Variants in UBE4B observed in about 807,000 individuals in gnomAD.
UBE4B encodes ubiquitination factor E4B.
In UBE4B, 27 loss-of-function variants were observed where a neutral mutation model predicts 148.1. The ratio of observed to expected loss-of-function variants is 0.18; its 90% CI spans 0.13 to 0.25. The LOEUF (loss-of-function observed/expected upper bound fraction) is 0.25. UBE4B is among the 10% of genes least tolerant of loss of function. The probability of loss-of-function intolerance (pLI) is 1.00; values close to 1 mark genes in which losing one functional copy is unlikely to be tolerated. For missense variants in UBE4B, 1,170 were observed against 1,662.4 expected, an observed-to-expected ratio of 0.70 and a Z score of 5.15; for synonymous variants, 596 against 619.3, an observed-to-expected ratio of 0.96 and a Z score of 0.56.
intron 4 of UBE4B, among the ~76,000 whole-genome samples, chr1:10,101,443 GGTT>G (rs1645008853): frequency 6.8e-6 from 1 of 147,788 alleles, no homozygotes; most frequent in Admixed American, 6.7e-5. Flanking sequence ...AGTAAATTTA[GGTT>G]GTAATAGGAA....
At chr1:10,035,794 G>A (rs1643500915) in intron 1 of UBE4B, among the ~76,000 whole-genome samples, 2 of 149,860 alleles carry the variant, frequency 1.3e-5, no homozygotes, top group South Asian at 2.1e-4. Flanking sequence ...CCAGGCTAGA[G>A]TGCAGTGGCG....
Position 10,178,838 on chromosome 1 carries a change from T to G in UBE4B, c.3700+20T>G, listed in dbSNP as rs1032827911. On this transcript the variant is annotated intron_variant, in intron 26 of 27. Transcript: ENST00000343090. ...TCAGAGGCAAGTGGACTCGTCGTTT[T>G]CATGCTGATTTCTTTTGAGTTAACT... The G allele has an allele frequency of 5.1e-6, 8 of 1,565,234 alleles. No homozygotes were observed. The Admixed American group carries it at 6.2e-5, about 12-fold the overall frequency.
At chr1:10,175,454 G>A (rs7540431) in intron 25 of UBE4B, among the ~76,000 whole-genome samples, 73,282 of 150,414 alleles carry the variant, frequency 0.49, 20,660 homozygotes, top group African/African-American at 0.79. Flanking sequence ...GATCGAGACC[G>A]TCCTGGCTAA....
rs758468672 is a variant in UBE4B at position 10,095,554 on chromosome 1, G to A, written c.305G>A (p.Arg102His). 2.5e-6 allele frequency: 4 copies of A among 1,614,090 alleles called. No individual in the cohort carries two copies. Among genetic ancestry groups the A allele is most frequent in the East Asian group, 2.2e-5 (1 of 44,880 alleles). ...SLETQSQSLSRSQSMDIDGVS... is the reference protein window; with the variant it reads ...SLETQSQSLSHSQSMDIDGVS... Reference sequence around the variant, plus strand: ...GAAACGCAATCTCAGTCTCTCTCACGTTCCCAGAGCATGGATATCGATGGT... The same window carrying A: ...GAAACGCAATCTCAGTCTCTCTCACATTCCCAGAGCATGGATATCGATGGT... Residue 102 changes from arginine to histidine, a missense_variant, in exon 3 of 28, where the codon CGT becomes CAT. Arg to His is a conservative substitution (Grantham distance 29). Around this residue, in one of 6 missense-constraint regions of UBE4B, gnomAD observed 127 missense variants for 153.2 expected, o/e 0.83. Transcript: ENST00000343090.
chr1:10,047,488 C>CTTTTT (rs952378949), intron 1 of UBE4B, among the ~76,000 whole-genome samples: 11 of 116,034 alleles, frequency 9.5e-5, no homozygotes, highest in Middle Eastern at 4.8e-3. Flanking sequence ...CTTCATATAT[C>CTTTTT]TTTTTTTTTT....
intron 9 of UBE4B, 106 bp from the exon 10 acceptor site, chr1:10,121,856 A>T: frequency 1.6e-6 from 1 of 639,684 alleles, no homozygotes. Flanking sequence ...TATTTGGGAG[A>T]TGTCAAGTTT....
intron 2 of UBE4B, among the ~76,000 whole-genome samples, chr1:10,091,851 C>T (rs531997028): frequency 1.3e-5 from 2 of 152,212 alleles, no homozygotes; most frequent in African/African-American, 2.4e-5. Context: ...GTGATCCACC[C>T]GTCTTGGCCT....
chr1:10,048,986 A>T (rs905377427), intron 1 of UBE4B, among the ~76,000 whole-genome samples: 2 of 152,194 alleles, frequency 1.3e-5, no homozygotes, highest in African/African-American at 4.8e-5. Flanking sequence ...CAAGGGAGGA[A>T]GTAAAGAGGT....
At chr1:10,104,086 T>C (rs1645068459) in intron 5 of UBE4B, among the ~76,000 whole-genome samples, 1 of 152,136 alleles carries the variant, frequency 6.6e-6, no homozygotes, top group Non-Finnish European at 1.5e-5. Flanking sequence ...AGTATAGATA[T>C]AGTGGGTGGT....
chr1:10,099,376 G>A (rs2101881684), intron 3 of UBE4B, among the ~76,000 whole-genome samples: 1 of 152,180 alleles, frequency 6.6e-6, no homozygotes, highest in South Asian at 2.1e-4. Flanking sequence ...TTTTAAAAAG[G>A]TGCCATTCAC....
chr1:10,163,234 T>G (rs2102014164), intron 23 of UBE4B: 1 of 152,178 alleles, frequency 6.6e-6, no homozygotes, highest in Non-Finnish European at 1.5e-5. Context: ...CTTGGCTAAT[T>G]AAAAAAATTT....
chr1:10,084,704 C>CTT (rs1222393113), intron 2 of UBE4B, among the ~76,000 whole-genome samples: 15 of 143,868 alleles, frequency 1.0e-4, no homozygotes, highest in Non-Finnish European at 2.1e-4. Flanking sequence ...TCTTTTTTTT[C>CTT]TTTTTTTTTT....
At chr1:10,086,109 C>T (rs200598100) in intron 2 of UBE4B, among the ~76,000 whole-genome samples, 1 of 151,886 alleles carries the variant, frequency 6.6e-6, no homozygotes, top group Non-Finnish European at 1.5e-5. Context: ...GTAGCTGGGA[C>T]TACAGGCGCC....
chr1:10,148,504 C>T lies in UBE4B; in HGVS notation c.2592-680C>T, dbSNP rs190760290. Reference sequence around the variant, plus strand: ...AAAATTAGCCAGGTGTGGTGGTGGGCGCCTGTAATCCCAGCTACTCGGGAG... The same window carrying T: ...AAAATTAGCCAGGTGTGGTGGTGGGTGCCTGTAATCCCAGCTACTCGGGAG... On this transcript the variant is annotated intron_variant, in intron 19 of 27. Transcript: ENST00000343090. 5.0e-3 allele frequency among the ~76,000 whole-genome samples: 723 copies of T among 143,452 alleles called. 9 individuals carry two copies. Among genetic ancestry groups the T allele is most frequent in the African/African-American group, 0.017 (675 of 38,594 alleles). The allele number at this position is 143,452 out of a possible 152,430, so 94.1% of individuals were successfully genotyped here.
chr1:10,040,451 A>G (rs900865576), intron 1 of UBE4B, among the ~76,000 whole-genome samples: 5 of 151,770 alleles, frequency 3.3e-5, no homozygotes, highest in African/African-American at 1.2e-4. Flanking sequence ...GGGTCTTGCC[A>G]TGTTGCCCAG....
intron 25 of UBE4B, among the ~76,000 whole-genome samples, chr1:10,176,686 T>G (rs552091766): frequency 6.6e-6 from 1 of 152,248 alleles, no homozygotes; most frequent in South Asian, 2.1e-4. Context: ...ATTTTTATAT[T>G]TTCTTGGGAG....
At chr1:10,105,242 TTTCA>T (rs1171718370) in intron 5 of UBE4B, among the ~76,000 whole-genome samples, 3 of 152,222 alleles carry the variant, frequency 2.0e-5, no homozygotes, top group African/African-American at 7.2e-5. Context: ...TTTGGAATAG[TTTCA>T]GTTAGTGCAG....
chr1:10,070,331 G>A (rs1317850866), intron 1 of UBE4B, among the ~76,000 whole-genome samples: 2 of 150,514 alleles, frequency 1.3e-5, no homozygotes, highest in South Asian at 2.1e-4. Flanking sequence ...TATAAACTAT[G>A]AAGAAGAATA....
chr1:10,111,244 A>C (rs952427717), intron 7 of UBE4B, among the ~76,000 whole-genome samples: 1 of 151,254 alleles, frequency 6.6e-6, no homozygotes, highest in African/African-American at 2.4e-5. Flanking sequence ...CTACACACAC[A>C]CCCCCACACC....
Sources: gnomAD v4.1 joint callset for allele counts (sites outside exome capture counted in the v4.1 genomes callset) on GRCh38, gnomAD v4.1.1 for gene constraint, gnomAD v4.1.1 regional missense constraint, MANE v1.5 for transcripts, NCBI Gene and HGNC (gene_info 2026-07-23, HGNC 2026-07-21) for gene names.